The following UNC13C variants were observed in gnomAD, a reference collection of about 807,000 sequenced individuals.
UNC13C encodes the protein protein unc-13 homolog C.
Under a neutral mutation model 245.4 loss-of-function variants are expected in UNC13C, and 174 were observed. The observed-to-expected ratio is 0.71, with a 90% confidence interval of 0.63 to 0.80. UNC13C has a LOEUF of 0.80. Among genes scored for constraint, UNC13C ranks in the 30% least tolerant of loss-of-function variants. The pLI is 0.00. For missense variants in UNC13C, 2,829 were observed against 2,602.9 expected, an observed-to-expected ratio of 1.09 and a Z score of -1.89; for synonymous variants, 992 against 895.1, an observed-to-expected ratio of 1.11 and a Z score of -1.93.
chr15:54,003,167 A>T (rs1226288081), intron 1 of UNC13C, among the ~76,000 whole-genome samples: 1 of 152,182 alleles, frequency 6.6e-6, no homozygotes, highest in African/African-American at 2.4e-5. Context: ...TTTTTCAATC[A>T]TATTGAGTTT....
chr15:54,502,043 C>A (rs916633180), intron 22 of UNC13C, among the ~76,000 whole-genome samples: 1 of 152,164 alleles, frequency 6.6e-6, no homozygotes, highest in African/African-American at 2.4e-5. Flanking sequence ...ACATAACAAA[C>A]ATAGTAATTT....
chr15:53,891,270 G>A, the UNC13C span, among the ~76,000 whole-genome samples: 2 of 152,156 alleles, frequency 1.3e-5, no homozygotes, highest in East Asian at 1.9e-4. Flanking sequence ...GCTGAGAAGT[G>A]TTTTACTTCC....
chr15:54,185,394 A>G (rs1459451691), intron 4 of UNC13C, among the ~76,000 whole-genome samples: 5 of 151,184 alleles, frequency 3.3e-5, no homozygotes, highest in Non-Finnish European at 7.4e-5. Flanking sequence ...TAGGGTTTTT[A>G]TGGTTTTAGG....
chr15:53,867,990 C>G, the UNC13C span, among the ~76,000 whole-genome samples: 2 of 152,042 alleles, frequency 1.3e-5, no homozygotes, highest in Non-Finnish European at 2.9e-5. Context: ...GCCACCATTC[C>G]TAGCTAATTA....
chr15:53,877,433 C>T, the UNC13C span, among the ~76,000 whole-genome samples: 1 of 152,026 alleles, frequency 6.6e-6, no homozygotes, highest in African/African-American at 2.4e-5. Flanking sequence ...TTTCAAAGGA[C>T]TGGGTAGGGT....
the UNC13C span, among the ~76,000 whole-genome samples, chr15:53,940,427 C>T: frequency 4.6e-5 from 7 of 152,160 alleles, no homozygotes; most frequent in South Asian, 1.0e-3. Context: ...TGCCCTCTCC[C>T]ACCATTCCTA....
At chr15:54,037,709 C>T (rs186164689) in intron 2 of UNC13C, among the ~76,000 whole-genome samples, 115 of 152,122 alleles carry the variant, frequency 7.6e-4, no homozygotes, top group East Asian at 5.0e-3. Flanking sequence ...ATAAGATACT[C>T]CCATAAATTC....
chr15:54,632,545 A>G (rs1901473798), downstream of UNC13C: 2 of 152,240 alleles, frequency 1.3e-5, no homozygotes, highest in Admixed American at 6.5e-5. Flanking sequence ...ATCTATAATT[A>G]TTAAATTACA....
the UNC13C span, among the ~76,000 whole-genome samples, chr15:53,857,618 T>C: frequency 6.6e-6 from 1 of 152,196 alleles, no homozygotes; most frequent in Non-Finnish European, 1.5e-5. Flanking sequence ...GACCTCTGTG[T>C]TAACCTTAGG....
the UNC13C span, among the ~76,000 whole-genome samples, chr15:53,927,520 A>G: frequency 6.6e-6 from 1 of 152,212 alleles, no homozygotes; most frequent in African/African-American, 2.4e-5. Flanking sequence ...CTCAGTTGTC[A>G]GGGTGGGTGA....
At chr15:54,042,811 C>A (rs1373206655) in intron 2 of UNC13C, among the ~76,000 whole-genome samples, 6 of 152,030 alleles carry the variant, frequency 3.9e-5, no homozygotes, top group Non-Finnish European at 8.8e-5. Flanking sequence ...CGAGATCGTG[C>A]CACTGCACTC....
At chr15:54,342,795 T>TG (rs1209646763) in intron 17 of UNC13C, among the ~76,000 whole-genome samples, 2 of 152,172 alleles carry the variant, frequency 1.3e-5, no homozygotes, top group Non-Finnish European at 2.9e-5. Flanking sequence ...TTTTTGTTTT[T>TG]TTTGTTTTGC....
intron 32 of UNC13C, 56 bp from the exon 33 acceptor site, chr15:54,626,772 T>A (rs1411867421): frequency 2.0e-6 from 3 of 1,470,316 alleles, no homozygotes; most frequent in Non-Finnish European, 2.8e-6. Flanking sequence ...AGAACCATAA[T>A]GATGCCTAGT....
intron 1 of UNC13C, among the ~76,000 whole-genome samples, chr15:53,988,205 G>T (rs2565208): frequency 6.6e-6 from 1 of 151,820 alleles, no homozygotes; most frequent in Non-Finnish European, 1.5e-5. Context: ...GGTATGGGAG[G>T]AGGAGGGAAG....
chr15:54,138,445 A>G (rs983433515), intron 2 of UNC13C, among the ~76,000 whole-genome samples: 2 of 152,038 alleles, frequency 1.3e-5, no homozygotes, highest in Non-Finnish European at 2.9e-5. Flanking sequence ...TTGTTTTTAC[A>G]TAGTCACCTT....
At chr15:54,508,514 A>T (rs1443670686) in intron 23 of UNC13C, among the ~76,000 whole-genome samples, 2 of 152,176 alleles carry the variant, frequency 1.3e-5, no homozygotes, top group African/African-American at 4.8e-5. Context: ...GGAAAAATTA[A>T]ATCTTTATAA....
At chr15:54,413,976 C>T (rs2040467600) in intron 18 of UNC13C, among the ~76,000 whole-genome samples, 2 of 152,248 alleles carry the variant, frequency 1.3e-5, no homozygotes, top group South Asian at 2.1e-4. Flanking sequence ...TAAAAAGACT[C>T]GGTCATCATA....
rs534337795 is a variant in UNC13C at position 54,386,675 on chromosome 15, C to A, written c.4714-6373C>A. Among the ~76,000 whole-genome samples the A allele has an allele frequency of 8.5e-5, 13 of 152,286 alleles. 1 individual carries two copies. Among genetic ancestry groups the A allele is most frequent in the African/African-American group, 1.7e-4 (7 of 41,564 alleles). On this transcript the variant is annotated intron_variant, in intron 17 of 32. Coordinates refer to ENST00000260323, the MANE Select transcript of UNC13C (RefSeq NM_001080534.3). ...GATGCAGAGATTGTGGGCCAGAGTT[C>A]TATCAGATATGGTCTAGACATTATT...
intron 2 of UNC13C, among the ~76,000 whole-genome samples, chr15:54,108,693 T>C (rs971245284): frequency 2.6e-5 from 4 of 152,200 alleles, no homozygotes; most frequent in African/African-American, 9.7e-5. Flanking sequence ...AAAAGGCTTG[T>C]CCTATTCTGA....
Sources: allele counts gnomAD v4.1 joint callset (sites outside exome capture counted in the v4.1 genomes callset), GRCh38; gene constraint gnomAD v4.1.1; transcripts MANE v1.5; gene names NCBI Gene and HGNC (gene_info 2026-07-23, HGNC 2026-07-21).